The following KIF16B variants were observed in gnomAD, a reference collection of about 807,000 sequenced individuals.
The protein encoded by KIF16B is kinesin-like protein KIF16B.
Under a neutral mutation model 156.3 loss-of-function variants are expected in KIF16B, and 98 were observed. The observed-to-expected ratio is 0.63, with a 90% CI of 0.53 to 0.74. The LOEUF (loss-of-function observed/expected upper bound fraction) is 0.74. KIF16B is among the 30% of genes least tolerant of loss of function. The pLI is 0.00. For missense variants in KIF16B, 1,421 were observed against 1,606.5 expected (o/e 0.88, Z 1.97); for synonymous variants, 564 against 583.7 (o/e 0.97, Z 0.49).
chr20:16,469,968 G>C (rs2067613846), intron 12 of KIF16B, among the ~76,000 whole-genome samples: 1 of 151,950 alleles, frequency 6.6e-6, no homozygotes, highest in Non-Finnish European at 1.5e-5. Context: ...AACAAAAAAG[G>C]GTGGCACATC....
chr20:16,569,389 G>A (rs529199983), intron 1 of KIF16B, among the ~76,000 whole-genome samples: 3 of 152,318 alleles, frequency 2.0e-5, no homozygotes, highest in South Asian at 4.1e-4. Context: ...ACAGAGTCAA[G>A]TCTCAATAAA....
chr20:16,558,132 G>A (rs996260172), intron 1 of KIF16B, among the ~76,000 whole-genome samples: 1 of 152,232 alleles, frequency 6.6e-6, no homozygotes, highest in African/African-American at 2.4e-5. Flanking sequence ...GAAGGAGTGG[G>A]AGATGCGGAC....
chr20:16,454,133 T>C (rs1390890929), intron 12 of KIF16B, among the ~76,000 whole-genome samples: 4 of 152,256 alleles, frequency 2.6e-5, no homozygotes, highest in African/African-American at 4.8e-5. Context: ...TCTAAGAAGA[T>C]TGGGGACATA....
chr20:16,397,554 C>A (rs1479854203), intron 17 of KIF16B, among the ~76,000 whole-genome samples: 1 of 152,206 alleles, frequency 6.6e-6, no homozygotes, highest in Admixed American at 6.5e-5. Context: ...GCCTGCTGAA[C>A]AGACAAAAAT....
chr20:16,369,246 T>C (rs1217117080), intron 22 of KIF16B: 5 of 985,720 alleles, frequency 5.1e-6, no homozygotes, highest in Non-Finnish European at 6.0e-6. Context: ...CAAGATACCA[T>C]GCTGGGCAAA....
chr20:16,423,432 G>C (rs1369217854), intron 15 of KIF16B, among the ~76,000 whole-genome samples: 1 of 152,038 alleles, frequency 6.6e-6, no homozygotes, highest in Non-Finnish European at 1.5e-5. Context: ...ATATGAGAAA[G>C]CACTTACAAG....
intron 1 of KIF16B, among the ~76,000 whole-genome samples, chr20:16,566,945 A>G (rs2071275768): frequency 6.6e-6 from 1 of 152,260 alleles, no homozygotes; most frequent in South Asian, 2.1e-4. Flanking sequence ...CTTCACAAAG[A>G]AAAGTCCTCA....
rs573808684 is a variant in KIF16B, at chr20:16,513,726, G to A, written c.349-803C>T. 6.0e-5 allele frequency among the ~76,000 whole-genome samples: 9 copies of A among 150,002 alleles called. No individual in the cohort carries two copies. In the South Asian group the frequency reaches 1.7e-3, roughly 28 times the overall value. ...CCTTTGACAGAGTAACCCCTACCCT[G>A]GCCTTCCTCGATGGAAAATTTTAAT... On this transcript the variant is annotated intron_variant, in intron 4 of 25. Transcript: ENST00000354981.
At chr20:16,432,220 T>C (rs1030836721) in intron 12 of KIF16B, among the ~76,000 whole-genome samples, 4 of 152,010 alleles carry the variant, frequency 2.6e-5, no homozygotes, top group Admixed American at 6.6e-5. Flanking sequence ...AAGGTAAAAA[T>C]TGCAGTCTTG....
chr20:16,352,967 C>G (rs2064367919), intron 23 of KIF16B, among the ~76,000 whole-genome samples: 1 of 152,202 alleles, frequency 6.6e-6, no homozygotes, highest in African/African-American at 2.4e-5. Context: ...ACAGAGGGCA[C>G]AGCGTCTCAC....
At chr20:16,451,775 T>C (rs1168804063) in intron 12 of KIF16B, among the ~76,000 whole-genome samples, 1 of 113,944 alleles carries the variant, frequency 8.8e-6, no homozygotes, top group Admixed American at 1.0e-4. Context: ...GGGACCAAAC[T>C]TTTTTTTTAT....
At chr20:16,348,327 C>A (rs2064272022) in intron 23 of KIF16B, among the ~76,000 whole-genome samples, 1 of 152,156 alleles carries the variant, frequency 6.6e-6, no homozygotes, top group Admixed American at 6.6e-5. Context: ...TGCACTTAGA[C>A]CTGACATGAA....
At chr20:16,398,291 G>A (rs1021884904) in intron 17 of KIF16B, among the ~76,000 whole-genome samples, 6 of 152,236 alleles carry the variant, frequency 3.9e-5, no homozygotes, top group Admixed American at 3.9e-4. Flanking sequence ...CGAGTGGAGA[G>A]TGACTGAAAA....
At chr20:16,282,288 C>T (rs1340283432) in intron 25 of KIF16B, among the ~76,000 whole-genome samples, 1 of 151,792 alleles carries the variant, frequency 6.6e-6, no homozygotes, top group Non-Finnish European at 1.5e-5. Context: ...CCGCCTCAGC[C>T]TCCCAAAGTG....
At chr20:16,327,998 A>T (rs770410152) in intron 24 of KIF16B, among the ~76,000 whole-genome samples, 1 of 152,210 alleles carries the variant, frequency 6.6e-6, no homozygotes, top group Non-Finnish European at 1.5e-5. Context: ...TGAATAATAG[A>T]TGGTCAATAG....
chr20:16,550,235 A>C (rs1370427753), intron 1 of KIF16B, among the ~76,000 whole-genome samples: 3 of 147,342 alleles, frequency 2.0e-5, no homozygotes, highest in African/African-American at 7.6e-5. Context: ...CAGCCAAAAA[A>C]CACATGAAAA....
chr20:16,314,665 TA>T (rs2063670067), intron 24 of KIF16B, among the ~76,000 whole-genome samples: 1 of 152,216 alleles, frequency 6.6e-6, no homozygotes, highest in South Asian at 2.1e-4. Context: ...AACCAAACTT[TA>T]AAAGGATTCC....
chr20:16,466,763 G>C (rs2067503778), intron 12 of KIF16B, among the ~76,000 whole-genome samples: 1 of 152,192 alleles, frequency 6.6e-6, no homozygotes, highest in Non-Finnish European at 1.5e-5. Context: ...TACTGGAGCA[G>C]AAACCCACCA....
At chr20:16,392,649 G>A (rs1414252326) in intron 17 of KIF16B, among the ~76,000 whole-genome samples, 6 of 152,194 alleles carry the variant, frequency 3.9e-5, no homozygotes, top group Non-Finnish European at 5.9e-5. Context: ...GAAAATGTGC[G>A]CCTCTGTATC....
Sources: allele counts gnomAD v4.1 joint callset (sites outside exome capture counted in the v4.1 genomes callset), GRCh38; gene constraint gnomAD v4.1.1; transcripts MANE v1.5; gene names NCBI Gene and HGNC (gene_info 2026-07-23, HGNC 2026-07-21).